TLR6: variants seen among roughly 807,000 people sequenced by gnomAD.
TLR6 encodes the protein toll like receptor 6, also known as toll-like receptor 6.
Under a neutral mutation model 16.1 loss-of-function variants are expected in TLR6, and 9 were observed. The observed-to-expected ratio is 0.56, with a 90% confidence interval of 0.34 to 0.98. The LOEUF is 0.98. Ranked by LOEUF, TLR6 falls within the 50% of genes least tolerant of loss-of-function variation. The pLI is 0.02. For missense variants in TLR6, 786 were observed against 921.0 expected (o/e 0.85, Z 1.90); for synonymous variants, 340 against 338.6 (o/e 1.00, Z -0.04).
intron 1 of TLR6, among the ~76,000 whole-genome samples, chr4:38,838,900 A>C (rs1192470315): frequency 1.5e-5 from 2 of 136,946 alleles, no homozygotes; most frequent in Admixed American, 1.4e-4. Context: ...GAAAGAGAAA[A>C]AGAGAAGGAA....
the TLR6 span, chr4:38,867,959 C>T: frequency 1.2e-5 from 4 of 324,326 alleles, no homozygotes; most frequent in South Asian, 9.1e-5. Context: ...CGAATCCTGC[C>T]CTCTGCGTTA....
At chr4:38,828,691 C>T (rs1427694251) in exon 2 of TLR6, 6 of 1,613,964 alleles carry the variant, frequency 3.7e-6, no homozygotes, top group Middle Eastern at 1.6e-4. Flanking sequence ...ATTTCCAAGT[C>T]GTTTCTATGT....
At chr4:38,865,277 T>A in the TLR6 span, among the ~76,000 whole-genome samples, 1 of 152,170 alleles carries the variant, frequency 6.6e-6, no homozygotes, top group Non-Finnish European at 1.5e-5. Context: ...CTCCAGAAAA[T>A]TTTTAAATGA....
At chr4:38,865,605 GC>G in the TLR6 span, among the ~76,000 whole-genome samples, 1 of 152,122 alleles carries the variant, frequency 6.6e-6, no homozygotes, top group Admixed American at 6.5e-5. Flanking sequence ...CTGTGTATAT[GC>G]TACACCAAAA....
intron 1 of TLR6, among the ~76,000 whole-genome samples, chr4:38,849,544 A>G (rs1301567198): frequency 6.6e-6 from 1 of 152,242 alleles, no homozygotes; most frequent in Non-Finnish European, 1.5e-5. Flanking sequence ...TCTCACGTGC[A>G]GAGACACACA....
chr4:38,855,796 GA>G (rs1037239708), intron 1 of TLR6, among the ~76,000 whole-genome samples: 6 of 152,130 alleles, frequency 3.9e-5, no homozygotes, highest in African/African-American at 1.4e-4. Context: ...TATTTATTGG[GA>G]AAAAAGGAGG....
At chr4:38,837,711 A>C (rs905209850) in intron 1 of TLR6, among the ~76,000 whole-genome samples, 1 of 152,144 alleles carries the variant, frequency 6.6e-6, no homozygotes, top group Non-Finnish European at 1.5e-5. Flanking sequence ...CTAAAATTTC[A>C]AAAGTACAGG....
Position 38,834,943 on chromosome 4 carries a change from G to T in TLR6, c.-64-5406C>A, listed in dbSNP as rs371058013. On this transcript the variant is annotated intron_variant, in intron 1 of 1. Coordinates refer to ENST00000436693, the Ensembl canonical transcript of TLR6. ...TATATCTACCATTATGAAAACACAT[G>T]AAAGTATAAAACTCACTAGTAGAGC... 4.7e-4 allele frequency among the ~76,000 whole-genome samples: 71 copies of T among 152,242 alleles called. No individual in the cohort carries two copies. The South Asian group carries it at 0.015, about 32-fold the overall frequency.
At chr4:38,863,337 G>A in the TLR6 span, among the ~76,000 whole-genome samples, 8 of 151,932 alleles carry the variant, frequency 5.3e-5, no homozygotes, top group Admixed American at 5.2e-4. Flanking sequence ...TATATCTCTG[G>A]CATGGAATAC....
intron 1 of TLR6, among the ~76,000 whole-genome samples, chr4:38,849,828 C>A (rs913793209): frequency 6.6e-6 from 1 of 152,072 alleles, no homozygotes; most frequent in African/African-American, 2.4e-5. Flanking sequence ...GACAGATCAA[C>A]GAGACAGAAA....
At chr4:38,849,345 T>G (rs1320957270) in intron 1 of TLR6, among the ~76,000 whole-genome samples, 1 of 152,208 alleles carries the variant, frequency 6.6e-6, no homozygotes, top group African/African-American at 2.4e-5. Context: ...TAAAGACCAT[T>G]GATGCTAGGA....
chr4:38,846,935 A>T (rs539921721), intron 1 of TLR6, among the ~76,000 whole-genome samples: 9 of 152,276 alleles, frequency 5.9e-5, no homozygotes, highest in Non-Finnish European at 1.3e-4. Context: ...GATAAATTTC[A>T]GTCATTTATG....
chr4:38,831,333 C>G (rs1267663603), intron 1 of TLR6, among the ~76,000 whole-genome samples: 1 of 151,064 alleles, frequency 6.6e-6, no homozygotes, highest in Non-Finnish European at 1.5e-5. Flanking sequence ...AATTTAGACG[C>G]AGACCTTACA....
intron 1 of TLR6, among the ~76,000 whole-genome samples, chr4:38,834,549 C>T (rs567904742): frequency 6.6e-6 from 1 of 152,120 alleles, no homozygotes; most frequent in East Asian, 1.9e-4. Flanking sequence ...CTTAAAAATT[C>T]CCAAGTAGAT....
upstream of TLR6, among the ~76,000 whole-genome samples, chr4:38,859,564 C>CTTTT (rs1713151653): frequency 1.1e-5 from 1 of 87,886 alleles, no homozygotes; most frequent in Non-Finnish European, 2.1e-5. Flanking sequence ...AGATTATTGG[C>CTTTT]CTTTTTTTTT....
At chr4:38,822,902 A>C (rs1727387049), downstream of TLR6, among the ~76,000 whole-genome samples, 1 of 152,210 alleles carries the variant, frequency 6.6e-6, no homozygotes, top group Non-Finnish European at 1.5e-5. Context: ...TGCAATTCAC[A>C]AAAGAAAGAG....
At chr4:38,843,448 G>T (rs1712374485) in intron 1 of TLR6, among the ~76,000 whole-genome samples, 1 of 152,176 alleles carries the variant, frequency 6.6e-6, no homozygotes, top group African/African-American at 2.4e-5. Context: ...GGATATACTG[G>T]AAATAGTAAA....
intron 1 of TLR6, among the ~76,000 whole-genome samples, chr4:38,838,825 T>A (rs1712069948): frequency 6.6e-6 from 1 of 151,032 alleles, no homozygotes; most frequent in African/African-American, 2.4e-5. Context: ...ACGGTATGTA[T>A]GTGTCAAATA....
the TLR6 span, among the ~76,000 whole-genome samples, chr4:38,867,247 A>G: frequency 2.0e-5 from 3 of 152,258 alleles, no homozygotes; most frequent in Non-Finnish European, 4.4e-5. Flanking sequence ...TTGTACATAC[A>G]TATTTGCCCA....
Sources: allele counts gnomAD v4.1 joint callset (sites outside exome capture counted in the v4.1 genomes callset), GRCh38; gene constraint gnomAD v4.1.1; transcripts MANE v1.5; gene names NCBI Gene and HGNC (gene_info 2026-07-23, HGNC 2026-07-21).